SLC2A9: variants seen among roughly 807,000 people sequenced by gnomAD.
SLC2A9 encodes the protein solute carrier family 2, facilitated glucose transporter member 9.
A neutral mutation model predicts 50.6 loss-of-function variants in SLC2A9; 39 were observed. That is an observed-to-expected ratio of 0.77 (90% CI 0.60 to 1.01). The LOEUF (loss-of-function observed/expected upper bound fraction) is 1.01, where lower values mean the gene tolerates loss of function less well. SLC2A9 is among the 50% of genes least tolerant of loss of function. The pLI is 0.00. For synonymous variants in SLC2A9, 324 were observed against 276.9 expected (o/e 1.17, Z -1.69); for missense variants, 686 against 677.6 (o/e 1.01, Z -0.14).
chr4:9,780,280 G>A (rs1171875648), intron 3 of SLC2A9, among the ~76,000 whole-genome samples: 1 of 152,210 alleles, frequency 6.6e-6, no homozygotes, highest in African/African-American at 2.4e-5. Flanking sequence ...CAAACAGGAT[G>A]GAGGAGGCAC....
chr4:9,961,273 G>C (rs1752234407), intron 5 of SLC2A9, among the ~76,000 whole-genome samples: 1 of 152,024 alleles, frequency 6.6e-6, no homozygotes, highest in South Asian at 2.1e-4. Flanking sequence ...ACAATCCTAA[G>C]CAAAAATAAC....
At chr4:9,807,677 G>T (rs1343996682) in intron 3 of SLC2A9, among the ~76,000 whole-genome samples, 1 of 152,212 alleles carries the variant, frequency 6.6e-6, no homozygotes, top group East Asian at 1.9e-4. Flanking sequence ...GAATCTGACT[G>T]ATTTGTTGAG....
chr4:9,887,658 G>T lies in SLC2A9; in HGVS notation c.1216-16C>A. ...GGGCGTGGTCCTGGGAGAGAACAGG[G>T]AGTGGTCAGGTGAGGAGGTGATGGT... On this transcript the variant is annotated splice_polypyrimidine_tract_variant and intron_variant, in intron 9 of 11. Coordinates refer to ENST00000264784, the MANE Select transcript of SLC2A9 (RefSeq NM_020041.3). 1 of 1,500,720 alleles carries T rather than the reference G, an allele frequency of 6.7e-7. No homozygotes were observed. The highest frequency in any genetic ancestry group is 1.3e-5 in the South Asian group (1 of 74,192). The allele number at this position is 1,500,720 out of a possible 1,614,324, so 93.0% of individuals were successfully genotyped here.
intron 1 of SLC2A9, among the ~76,000 whole-genome samples, chr4:10,020,524 A>T (rs1763378720): frequency 1.3e-5 from 2 of 152,190 alleles, no homozygotes; most frequent in Non-Finnish European, 2.9e-5. Flanking sequence ...GTAGTACCAG[A>T]ATATTTTTCT....
At chr4:9,877,116 AG>A (rs1207187655) in intron 10 of SLC2A9, among the ~76,000 whole-genome samples, 3 of 152,148 alleles carry the variant, frequency 2.0e-5, no homozygotes, top group African/African-American at 7.2e-5. Context: ...CTAACTTTTG[AG>A]GGGAAAGGAG....
intron 8 of SLC2A9, among the ~76,000 whole-genome samples, chr4:9,900,400 G>A (rs1235048076): frequency 3.9e-5 from 6 of 152,236 alleles, no homozygotes; most frequent in Admixed American, 2.6e-4. Context: ...CTGCAGGAAC[G>A]GACTTGTGGG....
intron 2 of SLC2A9, among the ~76,000 whole-genome samples, chr4:10,007,824 T>G (rs1761064024): frequency 6.6e-6 from 1 of 152,226 alleles, no homozygotes; most frequent in African/African-American, 2.4e-5. Flanking sequence ...GGGCCCCGTC[T>G]GCAACATCAA....
At chr4:9,883,191 A>G (rs1735551437) in intron 10 of SLC2A9, among the ~76,000 whole-genome samples, 1 of 152,024 alleles carries the variant, frequency 6.6e-6, no homozygotes, top group African/African-American at 2.4e-5. Flanking sequence ...CTATTATCTT[A>G]TATTCACCTA....
At chr4:9,894,308 G>A (rs772464037) in intron 8 of SLC2A9, among the ~76,000 whole-genome samples, 10 of 152,144 alleles carry the variant, frequency 6.6e-5, no homozygotes, top group Non-Finnish European at 1.3e-4. Context: ...AATCTTAGGC[G>A]AAAAGAGTAG....
At chr4:10,008,717 C>T (rs1021027578) in intron 2 of SLC2A9, among the ~76,000 whole-genome samples, 1 of 152,100 alleles carries the variant, frequency 6.6e-6, no homozygotes, top group Non-Finnish European at 1.5e-5. Flanking sequence ...GTGTTCAGGC[C>T]CAAGTGTACC....
chr4:9,973,859 TA>T (rs78910612), intron 5 of SLC2A9, among the ~76,000 whole-genome samples: 33,878 of 140,982 alleles, frequency 0.24, 4,010 homozygotes, highest in Admixed American at 0.36. Flanking sequence ...CTTAAAGTAT[TA>T]AAAAAAAAAA....
At chr4:9,934,227 T>C (rs1746662034) in intron 6 of SLC2A9, among the ~76,000 whole-genome samples, 1 of 152,174 alleles carries the variant, frequency 6.6e-6, no homozygotes, top group African/African-American at 2.4e-5. Context: ...CCCCTCTTTG[T>C]ACAAAGCAAA....
At chr4:9,872,537 A>G (rs573505154) in intron 10 of SLC2A9, among the ~76,000 whole-genome samples, 15 of 152,372 alleles carry the variant, frequency 9.8e-5, no homozygotes, top group African/African-American at 3.4e-4. Context: ...ATGTGTTGCT[A>G]TATCGCTTGC....
At chr4:9,838,642 G>T (rs1577465477) in intron 10 of SLC2A9, among the ~76,000 whole-genome samples, 1 of 152,114 alleles carries the variant, frequency 6.6e-6, no homozygotes, top group East Asian at 1.9e-4. Flanking sequence ...GCATGGTACT[G>T]GTACAAGAAC....
In SLC2A9 at chr4:9,920,565, T is replaced by C. The variant is rs2110085521; in HGVS notation, c.822A>G (p.Gln274=). ...AAACGTCTGCTTTACCCAAGAACGT[T>C]TGGAAGGCTGCAAACAGAGGCACAC... The part of the protein sequence containing the change: ...HNEARAVKAF[Q]TFLGKADVSQ... The change falls in exon 7 of 12, where the codon CAA becomes CAG. Residue 274 remains glutamine, a synonymous_variant. Coordinates refer to ENST00000264784, the MANE Select transcript of SLC2A9 (RefSeq NM_020041.3). 4 of 1,614,072 alleles carry C rather than the reference T, an allele frequency of 2.5e-6. No individual in the cohort carries two copies. Among genetic ancestry groups the C allele is most frequent in the East Asian group, 2.2e-5 (1 of 44,876 alleles).
At chr4:9,887,276 A>T (rs906871170) in intron 10 of SLC2A9, among the ~76,000 whole-genome samples, 4 of 152,192 alleles carry the variant, frequency 2.6e-5, no homozygotes, top group Admixed American at 2.0e-4. Flanking sequence ...TTCAACACAA[A>T]CCAGTGTCAC....
chr4:9,829,586 C>A (rs1198148703), intron 11 of SLC2A9, among the ~76,000 whole-genome samples: 2 of 151,942 alleles, frequency 1.3e-5, no homozygotes, highest in East Asian at 3.9e-4. Flanking sequence ...ATACAACCTA[C>A]ACAATGAGAG....
At chr4:9,870,097 G>A (rs1308385632) in intron 10 of SLC2A9, among the ~76,000 whole-genome samples, 1 of 152,240 alleles carries the variant, frequency 6.6e-6, no homozygotes, top group Non-Finnish European at 1.5e-5. Flanking sequence ...AGCTGCCAGA[G>A]GCCAGGAGAG....
At chr4:9,943,177 C>G (rs1028527487) in intron 5 of SLC2A9, among the ~76,000 whole-genome samples, 2 of 152,152 alleles carry the variant, frequency 1.3e-5, no homozygotes, top group African/African-American at 4.8e-5. Flanking sequence ...GAGACTTTTG[C>G]AAGTTCTAGG....
Sources: gnomAD v4.1 joint callset for allele counts (sites outside exome capture counted in the v4.1 genomes callset) on GRCh38, gnomAD v4.1.1 for gene constraint, MANE v1.5 for transcripts, NCBI Gene and HGNC (gene_info 2026-07-23, HGNC 2026-07-21) for gene names.